LHFPL3: variants seen among roughly 807,000 people sequenced by gnomAD.
The protein encoded by LHFPL3 is LHFPL tetraspan subfamily member 3 protein.
LHFPL3 carries 5 observed loss-of-function variants against 19.3 expected under a neutral mutation model. The observed-to-expected ratio is 0.26, with a 90% CI of 0.14 to 0.54. The LOEUF (loss-of-function observed/expected upper bound fraction) is 0.54, where lower values mean the gene tolerates loss of function less well. LHFPL3 is among the 20% of genes least tolerant of loss of function. The probability of loss-of-function intolerance (pLI) is 0.94; values close to 1 mark genes in which losing one functional copy is unlikely to be tolerated. For missense variants in LHFPL3, 249 were observed against 307.4 expected (o/e 0.81, Z 1.42); for synonymous variants, 133 against 126.2 (o/e 1.05, Z -0.36).
chr7:104,904,324 C>T (rs1792553466), intron 2 of LHFPL3, among the ~76,000 whole-genome samples: 1 of 152,084 alleles, frequency 6.6e-6, no homozygotes, highest in African/African-American at 2.4e-5. Context: ...ATTCAGAAAC[C>T]ATATCTTATC....
intron 2 of LHFPL3, among the ~76,000 whole-genome samples, chr7:104,873,609 CAGAG>C (rs1199679958): frequency 2.0e-5 from 3 of 152,008 alleles, no homozygotes; most frequent in African/African-American, 4.8e-5. Context: ...GCCTGGGTAA[CAGAG>C]AAAGATTCTG....
rs573457241 is a variant in LHFPL3 at position 104,752,255 on chromosome 7, T to C, written c.682+15344T>C. Among the ~76,000 whole-genome samples the C allele has an allele frequency of 1.4e-4, 21 of 152,322 alleles. No homozygotes were observed. In the East Asian group the frequency reaches 4.1e-3, roughly 29 times the overall value. ...ATTATAGTCAACATTTTGCGTTGAC[T>C]GAGCCATTACCGGCTCTGCTACATA... On this transcript the variant is annotated intron_variant, in intron 2 of 2. Transcript: ENST00000424859.
intron 2 of LHFPL3, among the ~76,000 whole-genome samples, chr7:104,840,602 A>C (rs1223244706): frequency 7.0e-6 from 1 of 142,918 alleles, no homozygotes; most frequent in Admixed American, 7.6e-5. Flanking sequence ...TACGGGCAGG[A>C]GCTACCACTC....
intron 2 of LHFPL3, among the ~76,000 whole-genome samples, chr7:104,772,351 A>T (rs1331569058): frequency 1.3e-5 from 2 of 152,254 alleles, no homozygotes; most frequent in African/African-American, 4.8e-5. Flanking sequence ...GATTATTAGA[A>T]CCCAATTCTT....
In LHFPL3 at chr7:104,865,546, A is replaced by G. The variant is rs553809560; in HGVS notation, c.683-40641A>G. ...GAGAAAAAAGAATAAAAAGAAATGA[A>G]CAAAGCCTCCAAGAAATATAGGACT... On this transcript the variant is annotated intron_variant, in intron 2 of 2. Coordinates refer to ENST00000424859, the MANE Select transcript of LHFPL3 (RefSeq NM_199000.3). 6.6e-5 allele frequency among the ~76,000 whole-genome samples: 10 copies of G among 152,300 alleles called. No homozygotes were observed. In the South Asian group the frequency reaches 2.1e-3, roughly 32 times the overall value.
chr7:104,868,011 T>G (rs1229510344), intron 2 of LHFPL3, among the ~76,000 whole-genome samples: 1 of 152,148 alleles, frequency 6.6e-6, no homozygotes, highest in Admixed American at 6.6e-5. Flanking sequence ...AGAAAAGGCC[T>G]TTGACAAAAT....
Position 104,696,673 on chromosome 7 carries a change from A to T in LHFPL3, c.446-40002A>T, listed in dbSNP as rs191783623. Among the ~76,000 whole-genome samples, 30 of 152,292 alleles carry T rather than the reference A, an allele frequency of 2.0e-4. 1 individual carries two copies. The East Asian group carries it at 5.6e-3, about 28-fold the overall frequency. On this transcript the variant is annotated intron_variant, in intron 1 of 2. Coordinates refer to ENST00000424859, the MANE Select transcript of LHFPL3 (RefSeq NM_199000.3). ...AGCAATAACTAAAAAATAATAATAA[A>T]AATTGTAGAAGGTCTTGCCAGAAAA...
chr7:104,470,220 C>G (rs968647347), intron 1 of LHFPL3, among the ~76,000 whole-genome samples: 1 of 152,170 alleles, frequency 6.6e-6, no homozygotes, highest in African/African-American at 2.4e-5. Flanking sequence ...AATGATCAGT[C>G]AAAATGGCTT....
chr7:104,610,728 T>C (rs1304588469), intron 1 of LHFPL3, among the ~76,000 whole-genome samples: 1 of 152,228 alleles, frequency 6.6e-6, no homozygotes, highest in Non-Finnish European at 1.5e-5. Context: ...GGGAGAACAA[T>C]CTGCTTTACT....
At chr7:104,521,352 A>G (rs2076386038) in intron 1 of LHFPL3, among the ~76,000 whole-genome samples, 5 of 152,068 alleles carry the variant, frequency 3.3e-5, no homozygotes, top group South Asian at 4.2e-4. Flanking sequence ...TTTGCTGAGG[A>G]GTGCTTTACT....
chr7:104,859,000 C>T lies in LHFPL3; in HGVS notation c.683-47187C>T, dbSNP rs183741176. On this transcript the variant is annotated intron_variant, in intron 2 of 2. Transcript: ENST00000424859. ...TCTGTTGACAGGGCACAGTGGCTCA[C>T]ACCTGTAATCCTAGCACTTTGGGAG... 2.0e-3 allele frequency among the ~76,000 whole-genome samples: 310 copies of T among 151,986 alleles called. 2 individuals are homozygous for T. The highest frequency in any genetic ancestry group is 7.3e-3 in the African/African-American group (301 of 41,442).
At position 104,824,421 on chromosome 7, in the gene LHFPL3, T is replaced by G. The variant is rs1364531163; in HGVS notation, c.683-81766T>G. Among the ~76,000 whole-genome samples the G allele has an allele frequency of 9.4e-4, 56 of 59,314 alleles. 2 individuals are homozygous for G. Among genetic ancestry groups the G allele is most frequent in the Non-Finnish European group, 1.5e-3 (53 of 35,744 alleles). 38.9% of individuals were successfully genotyped at this position (59,314 alleles called of 152,430 possible). ...GATAATATATAATATATATTTTATATATAATATATATAATTATAGATAATA... is the reference window on the plus strand; with the variant it reads ...GATAATATATAATATATATTTTATAGATAATATATATAATTATAGATAATA... On this transcript the variant is annotated intron_variant, in intron 2 of 2. Transcript: ENST00000424859.
At chr7:104,651,732 C>T (rs955197540) in intron 1 of LHFPL3, among the ~76,000 whole-genome samples, 18 of 152,222 alleles carry the variant, frequency 1.2e-4, no homozygotes, top group Non-Finnish European at 2.5e-4. Context: ...CCAGCTTATA[C>T]CACTTCTTTG....
At chr7:104,608,658 T>C (rs112043497) in intron 1 of LHFPL3, among the ~76,000 whole-genome samples, 20,561 of 151,598 alleles carry the variant, frequency 0.14, 1,456 homozygotes, top group Non-Finnish European at 0.15. Context: ...ATAATAATAA[T>C]AATAAAAAGA....
intron 2 of LHFPL3, among the ~76,000 whole-genome samples, chr7:104,807,383 C>T (rs1427817140): frequency 1.3e-5 from 2 of 152,148 alleles, no homozygotes; most frequent in Non-Finnish European, 2.9e-5. Context: ...GCCGACACCT[C>T]GATCCTGGAC....
intron 1 of LHFPL3, among the ~76,000 whole-genome samples, chr7:104,541,057 A>C (rs1162116444): frequency 2.0e-5 from 3 of 149,750 alleles, no homozygotes; most frequent in Non-Finnish European, 4.4e-5. Context: ...CAGTTCCTCT[A>C]CTTCATTATG....
At chr7:104,391,180 T>G (rs994094253) in intron 1 of LHFPL3, among the ~76,000 whole-genome samples, 2 of 152,222 alleles carry the variant, frequency 1.3e-5, no homozygotes, top group Non-Finnish European at 2.9e-5. Context: ...CAGAAGCTCT[T>G]TAGTTTAATT....
At chr7:104,496,728 C>T (rs1793490492) in intron 1 of LHFPL3, among the ~76,000 whole-genome samples, 1 of 152,178 alleles carries the variant, frequency 6.6e-6, no homozygotes, top group South Asian at 2.1e-4. Flanking sequence ...TAGCCATTAA[C>T]TTGTATTTCC....
intron 1 of LHFPL3, among the ~76,000 whole-genome samples, chr7:104,338,247 C>T (rs957241590): frequency 2.6e-4 from 40 of 151,764 alleles, no homozygotes; most frequent in African/African-American, 8.4e-4. Flanking sequence ...TACAGGCGCC[C>T]GCCACCACGC....
Sources: gnomAD v4.1 joint callset for allele counts (sites outside exome capture counted in the v4.1 genomes callset) on GRCh38, gnomAD v4.1.1 for gene constraint, MANE v1.5 for transcripts, NCBI Gene and HGNC (gene_info 2026-07-23, HGNC 2026-07-21) for gene names.